The following GAB1 variants were observed in gnomAD, a reference collection of about 807,000 sequenced individuals.
GAB1 encodes GRB2 associated binding protein 1.
In GAB1, 19 loss-of-function variants were observed where a neutral mutation model predicts 66.5. That is an observed-to-expected ratio of 0.29 (90% confidence interval 0.20 to 0.42). The LOEUF is 0.42. Among genes scored for constraint, GAB1 ranks in the 10% least tolerant of loss-of-function variants. The pLI is 1.00. For missense variants in GAB1, 732 were observed against 858.5 expected (o/e 0.85, Z 1.84); for synonymous variants, 294 against 301.4 (o/e 0.98, Z 0.25).
chr4:143,433,102 G>T (rs1001626482), intron 2 of GAB1, among the ~76,000 whole-genome samples: 2 of 152,200 alleles, frequency 1.3e-5, no homozygotes, highest in African/African-American at 4.8e-5. Flanking sequence ...TAAATACTAT[G>T]TAATTAAATG....
intron 6 of GAB1, among the ~76,000 whole-genome samples, chr4:143,444,237 C>G (rs1734390074): frequency 6.6e-6 from 1 of 152,200 alleles, no homozygotes; most frequent in African/African-American, 2.4e-5. Flanking sequence ...GCCCCCATCT[C>G]TGTCTAGTCT....
intron 2 of GAB1, chr4:143,417,351 A>G: frequency 2.6e-6 from 1 of 382,690 alleles, no homozygotes; most frequent in Non-Finnish European, 5.1e-6. Flanking sequence ...CTGAGTGACT[A>G]GAGGGCTCAA....
chr4:143,414,406 G>T (rs1732568097), intron 1 of GAB1, among the ~76,000 whole-genome samples: 1 of 152,126 alleles, frequency 6.6e-6, no homozygotes, highest in South Asian at 2.1e-4. Flanking sequence ...GGCTTCTCTA[G>T]GTATAGTATT....
intron 1 of GAB1, among the ~76,000 whole-genome samples, chr4:143,397,962 A>G (rs1201261034): frequency 3.3e-5 from 5 of 152,254 alleles, no homozygotes; most frequent in Non-Finnish European, 1.5e-5. Flanking sequence ...AAATGAACAG[A>G]GGAAGATAGA....
At chr4:143,458,831 C>T (rs910783247) in intron 6 of GAB1, among the ~76,000 whole-genome samples, 30 of 151,696 alleles carry the variant, frequency 2.0e-4, no homozygotes, top group African/African-American at 6.8e-4. Flanking sequence ...AATATTGTTT[C>T]GTTTTGTTTG....
At chr4:143,407,133 A>G (rs1053464965) in intron 1 of GAB1, among the ~76,000 whole-genome samples, 5 of 152,132 alleles carry the variant, frequency 3.3e-5, no homozygotes, top group African/African-American at 9.7e-5. Flanking sequence ...AAACTATACA[A>G]TATTACCTAT....
At chr4:143,367,130 G>A (rs1729914666) in intron 1 of GAB1, among the ~76,000 whole-genome samples, 1 of 152,178 alleles carries the variant, frequency 6.6e-6, no homozygotes, top group Non-Finnish European at 1.5e-5. Flanking sequence ...ATCAGAAATA[G>A]CCTTGCAAAG....
intron 1 of GAB1, among the ~76,000 whole-genome samples, chr4:143,358,607 C>T (rs762214156): frequency 2.6e-5 from 4 of 152,166 alleles, no homozygotes; most frequent in Non-Finnish European, 5.9e-5. Context: ...CCTAAAACAA[C>T]GTTAGTGAAA....
intron 1 of GAB1, among the ~76,000 whole-genome samples, chr4:143,400,998 C>T (rs1731742772): frequency 6.6e-6 from 1 of 151,304 alleles, no homozygotes; most frequent in Non-Finnish European, 1.5e-5. Flanking sequence ...ATTGCTTTGC[C>T]TCTTTGTGGT....
chr4:143,434,246 G>T (rs1733825630), intron 3 of GAB1: 4 of 566,936 alleles, frequency 7.1e-6, no homozygotes, highest in Non-Finnish European at 1.1e-5. Flanking sequence ...AAATTCCATG[G>T]AATATACAAA....
intron 1 of GAB1, among the ~76,000 whole-genome samples, chr4:143,378,035 A>G (rs1391715651): frequency 1.3e-5 from 2 of 152,212 alleles, no homozygotes; most frequent in African/African-American, 4.8e-5. Context: ...TTAACTCATC[A>G]TATACTCACA....
chr4:143,362,691 C>T, intron 1 of GAB1, among the ~76,000 whole-genome samples: 1 of 152,196 alleles, frequency 6.6e-6, no homozygotes, highest in East Asian at 1.9e-4. Flanking sequence ...GTGAGGATGA[C>T]CAGAGCTCAC....
chr4:143,362,024 G>A (rs370916544), intron 1 of GAB1, among the ~76,000 whole-genome samples: 31 of 151,896 alleles, frequency 2.0e-4, no homozygotes, highest in African/African-American at 6.1e-4. Context: ...CTCCCAAGGT[G>A]CTGGGATTAC....
intron 3 of GAB1, among the ~76,000 whole-genome samples, chr4:143,437,755 G>C (rs893494548): frequency 3.9e-5 from 6 of 152,116 alleles, no homozygotes; most frequent in Non-Finnish European, 5.9e-5. Flanking sequence ...GGTGGAGTTG[G>C]GGGTGTGGGC....
chr4:143,337,922 C>A (rs1728713963), intron 1 of GAB1, among the ~76,000 whole-genome samples: 2 of 152,080 alleles, frequency 1.3e-5, no homozygotes, highest in Non-Finnish European at 2.9e-5. Context: ...CGGTTTGCTG[C>A]GAGAGGAGGG....
chr4:143,383,886 T>G (rs528137441), intron 1 of GAB1, among the ~76,000 whole-genome samples: 4 of 152,096 alleles, frequency 2.6e-5, no homozygotes, highest in South Asian at 2.1e-4. Flanking sequence ...ACCAGCTTGG[T>G]CAACCTAGCA....
At chr4:143,428,167 G>A (rs1733462802) in intron 2 of GAB1, among the ~76,000 whole-genome samples, 1 of 152,212 alleles carries the variant, frequency 6.6e-6, no homozygotes. Context: ...GTAGGGATAA[G>A]TCACACTCAC....
chr4:143,367,719 G>GTTTT lies in GAB1; in HGVS notation c.72+30478_72+30481dup, dbSNP rs71588248. Among the ~76,000 whole-genome samples the GTTTT allele has an allele frequency of 5.0e-3, 469 of 94,568 alleles. 6 individuals carry two copies. Among genetic ancestry groups the GTTTT allele is most frequent in the African/African-American group, 0.01 (238 of 23,164 alleles). 62.0% of individuals were successfully genotyped at this position (94,568 alleles called of 152,430 possible). A position where few individuals can be genotyped will look rare whatever the true frequency, so the allele number is the denominator to read the frequency against. On this transcript the variant is annotated intron_variant, in intron 1 of 9. Transcript: ENST00000262994. ...AGATAGAAGTGCAAATCAGATGAGG[G>GTTTT]TTTTTTTTTTTTTTTTTTTTTTGGA...
chr4:143,438,729 A>G (rs764666704), intron 4 of GAB1, 129 bp downstream of exon 4: 66 of 918,690 alleles, frequency 7.2e-5, no homozygotes, highest in Non-Finnish European at 1.0e-4. Flanking sequence ...TTCCAGCTCT[A>G]CAGCTACCTG....
Sources: gnomAD v4.1 joint callset for allele counts (sites outside exome capture counted in the v4.1 genomes callset) on GRCh38, gnomAD v4.1.1 for gene constraint, MANE v1.5 for transcripts, NCBI Gene and HGNC (gene_info 2026-07-23, HGNC 2026-07-21) for gene names.